RBFOX1: variants seen among roughly 807,000 people sequenced by gnomAD.
The protein encoded by RBFOX1 is RNA binding protein fox-1 homolog 1.
A neutral mutation model predicts 57.7 loss-of-function variants in RBFOX1; 8 were observed. The ratio of observed to expected loss-of-function variants is 0.14; its 90% CI spans 0.08 to 0.25. The LOEUF (loss-of-function observed/expected upper bound fraction) is 0.25. Ranked by LOEUF, RBFOX1 falls within the 10% of genes least tolerant of loss-of-function variation. The probability of loss-of-function intolerance (pLI) is 1.00; values close to 1 mark genes in which losing one functional copy is unlikely to be tolerated. For synonymous variants in RBFOX1, 326 were observed against 222.4 expected (o/e 1.47, Z -4.15); for missense variants, 611 against 548.5 (o/e 1.11, Z -1.14).
chr16:7,137,209 G>C (rs1287032486), intron 4 of RBFOX1, among the ~76,000 whole-genome samples: 2 of 152,162 alleles, frequency 1.3e-5, no homozygotes, highest in East Asian at 1.9e-4. Context: ...GGACTCTTCT[G>C]GTGCACACTA....
intron 4 of RBFOX1, among the ~76,000 whole-genome samples, chr16:7,083,281 C>G (rs982752789): frequency 4.0e-5 from 6 of 150,050 alleles, no homozygotes; most frequent in Non-Finnish European, 7.5e-5. Context: ...TGGGAAACAG[C>G]TGTCTCCTGC....
At chr16:7,370,777 G>C (rs942215718) in intron 4 of RBFOX1, among the ~76,000 whole-genome samples, 2 of 152,202 alleles carry the variant, frequency 1.3e-5, no homozygotes, top group Non-Finnish European at 2.9e-5. Context: ...GAACATTCAT[G>C]CATATTTGAA....
intron 2 of RBFOX1, among the ~76,000 whole-genome samples, chr16:6,583,258 C>T (rs2097562561): frequency 6.6e-6 from 1 of 152,274 alleles, no homozygotes; most frequent in Non-Finnish European, 1.5e-5. Flanking sequence ...ACTCATTGGC[C>T]AGCTTGGAAC....
intron 2 of RBFOX1, among the ~76,000 whole-genome samples, chr16:6,593,853 G>C (rs894848161): frequency 6.6e-6 from 1 of 152,194 alleles, no homozygotes; most frequent in African/African-American, 2.4e-5. Context: ...GGTGATCTCT[G>C]AATGATGGAA....
At chr16:6,454,461 G>T (rs2094710056) in intron 2 of RBFOX1, among the ~76,000 whole-genome samples, 1 of 152,124 alleles carries the variant, frequency 6.6e-6, no homozygotes, top group Admixed American at 6.5e-5. Context: ...GGAGGCTGAG[G>T]AGGGAGGATC....
intron 2 of RBFOX1, among the ~76,000 whole-genome samples, chr16:6,630,409 G>T (rs996816705): frequency 6.6e-6 from 1 of 152,158 alleles, no homozygotes; most frequent in South Asian, 2.1e-4. Flanking sequence ...AGAAAGTGAA[G>T]TTGATGATGG....
intron 4 of RBFOX1, among the ~76,000 whole-genome samples, chr16:7,073,581 A>G (rs1302978384): frequency 6.6e-6 from 1 of 152,150 alleles, no homozygotes; most frequent in African/African-American, 2.4e-5. Context: ...GGAGGCTCAC[A>G]CGTGTAATCC....
At chr16:6,161,528 A>C (rs1287338248) in intron 1 of RBFOX1, among the ~76,000 whole-genome samples, 1 of 152,220 alleles carries the variant, frequency 6.6e-6, no homozygotes, top group African/African-American at 2.4e-5. Context: ...AAAACCTCAT[A>C]GAATTTAACA....
At chr16:7,502,951 A>T (rs938010880) in intron 4 of RBFOX1, among the ~76,000 whole-genome samples, 1 of 152,114 alleles carries the variant, frequency 6.6e-6, no homozygotes, top group African/African-American at 2.4e-5. Flanking sequence ...TGAATCTGGG[A>T]CACTGAGGTT....
intron 3 of RBFOX1, among the ~76,000 whole-genome samples, chr16:5,807,828 CAG>C (rs1309375903): frequency 2.0e-5 from 3 of 152,172 alleles, no homozygotes; most frequent in Admixed American, 6.5e-5. Context: ...AACCAGCTCC[CAG>C]GTGATGCCCA....
chr16:6,389,356 AT>A (rs1567175029), intron 2 of RBFOX1, among the ~76,000 whole-genome samples: 1 of 152,062 alleles, frequency 6.6e-6, no homozygotes, highest in Non-Finnish European at 1.5e-5. Context: ...CATATCCTTC[AT>A]TTTTTTGTGT....
intron 4 of RBFOX1, among the ~76,000 whole-genome samples, chr16:5,942,428 A>G (rs879683565): frequency 6.6e-6 from 1 of 152,164 alleles, no homozygotes; most frequent in Non-Finnish European, 1.5e-5. Context: ...GTTGTCAGAA[A>G]TGCAAAACTC....
chr16:6,973,645 C>G (rs1203954497), intron 3 of RBFOX1, among the ~76,000 whole-genome samples: 1 of 151,992 alleles, frequency 6.6e-6, no homozygotes, highest in East Asian at 1.9e-4. Context: ...TTTTTTAAAG[C>G]TGGACCATTG....
chr16:7,705,699 A>C (rs528680018), intron 14 of RBFOX1, among the ~76,000 whole-genome samples: 14 of 152,266 alleles, frequency 9.2e-5, no homozygotes, highest in Non-Finnish European at 1.5e-5. Context: ...AGATGGACAG[A>C]CTTGAGAGAT....
At chr16:7,518,719 A>AT (rs1285289399) in intron 5 of RBFOX1, among the ~76,000 whole-genome samples, 1 of 152,066 alleles carries the variant, frequency 6.6e-6, no homozygotes, top group Non-Finnish European at 1.5e-5. Context: ...ATGTAAGATA[A>AT]TTTTTCTTCA....
intron 3 of RBFOX1, among the ~76,000 whole-genome samples, chr16:6,753,691 G>T (rs190136883): frequency 6.6e-6 from 1 of 151,628 alleles, no homozygotes; most frequent in Non-Finnish European, 1.5e-5. Flanking sequence ...GAGAAGCCTC[G>T]TGCCCTCCTC....
chr16:6,967,718 G>C lies in RBFOX1; in HGVS notation c.-15-84339G>C, dbSNP rs137987773. ...GAACACGGTAGGTCCTTGGTCAAAT[G>C]GGTCTTCTTTAATTGTTTGTGCCCA... On this transcript the variant is annotated intron_variant, in intron 3 of 15. Transcript: ENST00000550418. 1.1e-3 allele frequency among the ~76,000 whole-genome samples: 162 copies of C among 152,158 alleles called. 1 individual carries two copies. The East Asian group carries it at 0.017, about 16-fold the overall frequency.
At chr16:7,521,370 G>T (rs1359940290) in intron 5 of RBFOX1, among the ~76,000 whole-genome samples, 3 of 152,138 alleles carry the variant, frequency 2.0e-5, no homozygotes. Context: ...TATAAGCAAT[G>T]GGAAACCATT....
chr16:7,044,964 T>G (rs2047405865), intron 3 of RBFOX1, among the ~76,000 whole-genome samples: 1 of 152,196 alleles, frequency 6.6e-6, no homozygotes, highest in African/African-American at 2.4e-5. Flanking sequence ...CATTACACCC[T>G]GTTTGGGGTG....
Sources: gnomAD v4.1 joint callset for allele counts (sites outside exome capture counted in the v4.1 genomes callset) on GRCh38, gnomAD v4.1.1 for gene constraint, MANE v1.5 for transcripts, NCBI Gene and HGNC (gene_info 2026-07-23, HGNC 2026-07-21) for gene names.